CERS4: variants seen among roughly 807,000 people sequenced by gnomAD.
CERS4 encodes the protein LAG1 homolog, ceramide synthase 4.
In CERS4, 65 loss-of-function variants were observed where a neutral mutation model predicts 51.8. That is an observed-to-expected ratio of 1.26 (90% CI 1.03 to 1.54). CERS4 has a LOEUF of 1.54. CERS4 is among the 40% of genes most tolerant of loss of function. The pLI, the probability that CERS4 is intolerant of heterozygous loss-of-function variation, is 0.00. For synonymous variants in CERS4, 228 were observed against 208.4 expected, an observed-to-expected ratio of 1.09 and a Z score of -0.81; for missense variants, 563 against 500.4, an observed-to-expected ratio of 1.13 and a Z score of -1.19.
At position 8,240,284 on chromosome 19, in the gene CERS4, C is replaced by T. The variant is rs141245065; in HGVS notation, c.-1-10792C>T. On this transcript the variant is annotated intron_variant, in intron 2 of 11. Transcript: ENST00000251363. ...GCAGAAATAAGGGGCTCAGGTAAGG[C>T]GGAACCTTGAACTTGGGGTCCACCT... Among the ~76,000 whole-genome samples the T allele has an allele frequency of 7.4e-4, 112 of 152,114 alleles. 1 individual carries two copies. The highest frequency in any genetic ancestry group is 2.6e-3 in the African/African-American group (107 of 41,488).
At chr19:8,256,769 G>A (rs774193278) in intron 8 of CERS4, 59 bp downstream of exon 8, 36 of 1,583,402 alleles carry the variant, frequency 2.3e-5, no homozygotes, top group Non-Finnish European at 2.6e-5. Context: ...GGGGTGCTGG[G>A]GGGTAGGGCA....
rs1361355871 is a variant in CERS4, at chr19:8,259,713, C to CTCAGAGGGTCTCCATG, written c.848+1735_848+1736insGTCTCCATGTCAGAGG. On this transcript the variant is annotated intron_variant, in intron 10 of 11. Coordinates refer to ENST00000251363, the MANE Select transcript of CERS4 (RefSeq NM_024552.3). ...CTGCTGGGTTTGAGGGGTCTGTGGC[C>CTCAGAGGGTCTCCATG]TCAGAGGAGACATGGAGAAGGCAGT... Among the ~76,000 whole-genome samples the CTCAGAGGGTCTCCATG allele has an allele frequency of 2.0e-5, 3 of 152,132 alleles. No individual in the cohort carries two copies. The East Asian group carries it at 5.8e-4, about 29-fold the overall frequency.
intron 8 of CERS4, 89 bp from the exon 9 acceptor site, chr19:8,256,860 C>A (rs1969414013): frequency 1.2e-6 from 2 of 1,602,796 alleles, no homozygotes; most frequent in African/African-American, 1.3e-5. Context: ...CCACACCAAC[C>A]CCCTGAAAGG....
At chr19:8,233,908 T>G (rs997033539) in intron 2 of CERS4, among the ~76,000 whole-genome samples, 7 of 151,886 alleles carry the variant, frequency 4.6e-5, no homozygotes, top group Admixed American at 4.6e-4. Context: ...TAGTCCCAGC[T>G]GCTCAGGAGG....
chr19:8,214,996 AGG>A (rs1205433709), intron 2 of CERS4, among the ~76,000 whole-genome samples: 4 of 43,768 alleles, frequency 9.1e-5, no homozygotes, highest in Admixed American at 6.6e-4. Flanking sequence ...GGGGGAGGAG[AGG>A]GAGGAGGAGG....
chr19:8,242,624 G>A (rs568567176), intron 2 of CERS4, among the ~76,000 whole-genome samples: 2 of 152,290 alleles, frequency 1.3e-5, no homozygotes, highest in South Asian at 4.1e-4. Flanking sequence ...AGGATGCATA[G>A]GAGTTTGCCA....
chr19:8,245,386 G>A (rs953752931), intron 2 of CERS4, among the ~76,000 whole-genome samples: 4 of 152,002 alleles, frequency 2.6e-5, no homozygotes, highest in Non-Finnish European at 4.4e-5. Context: ...GAGTAGCTAG[G>A]ATTATGGCCA....
chr19:8,238,714 A>G (rs1410635893), intron 2 of CERS4, among the ~76,000 whole-genome samples: 2 of 152,014 alleles, frequency 1.3e-5, no homozygotes, highest in Admixed American at 6.6e-5. Flanking sequence ...GGTTCCAAGA[A>G]GATGCAATAG....
chr19:8,238,988 C>A (rs1231633099), intron 2 of CERS4, among the ~76,000 whole-genome samples: 1 of 152,050 alleles, frequency 6.6e-6, no homozygotes, highest in Non-Finnish European at 1.5e-5. Context: ...GTAGTCCCAG[C>A]TGCTTGGAAG....
At chr19:8,230,217 G>A (rs947614586) in intron 2 of CERS4, among the ~76,000 whole-genome samples, 1 of 149,314 alleles carries the variant, frequency 6.7e-6, no homozygotes, top group African/African-American at 2.5e-5. Flanking sequence ...TTGAGACGGA[G>A]TCTCGCCTGA....
At chr19:8,253,995 G>A (rs367443) in intron 3 of CERS4, among the ~76,000 whole-genome samples, 61,038 of 151,514 alleles carry the variant, frequency 0.4, 13,489 homozygotes, top group South Asian at 0.54. Flanking sequence ...CTGACTCTGG[G>A]CCTCCAAACC....
rs748710651 is a variant in CERS4 at position 8,256,665 on chromosome 19, C to G, written c.567C>G (p.Phe189Leu). Residue 189 changes from phenylalanine (F) to leucine (L), a missense_variant, in exon 8 of 12, where the codon TTC becomes TTG. Coordinates refer to ENST00000251363, the MANE Select transcript of CERS4 (RefSeq NM_024552.3). Reference sequence around the variant, plus strand: ...GGTGGTACCTCTTGGAGCTGGGTTTCTACCTCTCACTGCTAATCAGGCTGC... The same window carrying G: ...GGTGGTACCTCTTGGAGCTGGGTTTGTACCTCTCACTGCTAATCAGGCTGC... The part of the protein sequence containing the change: ...LYWWYLLELG[F>L]YLSLLIRLPF... 1 of 1,613,958 alleles carries G rather than the reference C, an allele frequency of 6.2e-7. No individual in the cohort carries two copies. Among genetic ancestry groups the G allele is most frequent in the Admixed American group, 1.7e-5 (1 of 59,958 alleles).
At chr19:8,240,474 C>T (rs1425358157) in intron 2 of CERS4, 2 of 152,208 alleles carry the variant, frequency 1.3e-5, no homozygotes, top group Non-Finnish European at 2.9e-5. Flanking sequence ...CAAACAGCCC[C>T]CTTCCTTCCA....
chr19:8,252,462 A>G (rs561108558), intron 3 of CERS4, among the ~76,000 whole-genome samples: 104 of 149,330 alleles, frequency 7.0e-4, no homozygotes, highest in Non-Finnish European at 1.2e-3. Context: ...TTTTTGAGAC[A>G]GAGTCTTGCT....
At chr19:8,246,097 AAC>A (rs1455674843) in intron 2 of CERS4, among the ~76,000 whole-genome samples, 1,974 of 113,454 alleles carry the variant, frequency 0.017, 47 homozygotes, top group African/African-American at 0.053. Context: ...CAACAACAAC[AAC>A]AAAAAAACAA....
At chr19:8,221,611 T>C (rs1462238148) in intron 2 of CERS4, among the ~76,000 whole-genome samples, 1 of 150,960 alleles carries the variant, frequency 6.6e-6, no homozygotes, top group Non-Finnish European at 1.5e-5. Flanking sequence ...AGTGGCACGA[T>C]CTTGGCTCAC....
intron 2 of CERS4, among the ~76,000 whole-genome samples, chr19:8,212,680 C>T (rs576998875): frequency 6.6e-6 from 1 of 152,070 alleles, no homozygotes; most frequent in Admixed American, 6.6e-5. Flanking sequence ...TTCTTGTCGC[C>T]CAGGCTGGAG....
intron 3 of CERS4, among the ~76,000 whole-genome samples, chr19:8,252,620 A>G (rs1029923705): frequency 6.6e-6 from 1 of 152,070 alleles, no homozygotes; most frequent in African/African-American, 2.4e-5. Context: ...TGTATTTTTA[A>G]TAGAAACGGG....
chr19:8,231,114 C>T (rs904558938), intron 2 of CERS4, among the ~76,000 whole-genome samples: 1 of 152,170 alleles, frequency 6.6e-6, no homozygotes, highest in Non-Finnish European at 1.5e-5. Flanking sequence ...GCTGGGATTA[C>T]AGACATAATA....
Sources: allele counts gnomAD v4.1 joint callset (sites outside exome capture counted in the v4.1 genomes callset), GRCh38; gene constraint gnomAD v4.1.1; transcripts MANE v1.5; gene names NCBI Gene and HGNC (gene_info 2026-07-23, HGNC 2026-07-21).